Variants in CCSER1 observed in about 807,000 individuals in gnomAD.
CCSER1 encodes serine-rich coiled-coil domain-containing protein 1.
A neutral mutation model predicts 82.0 loss-of-function variants in CCSER1; 41 were observed. The observed-to-expected ratio is 0.50, with a 90% CI of 0.39 to 0.65. The LOEUF (loss-of-function observed/expected upper bound fraction) is 0.65. Among genes scored for constraint, CCSER1 ranks in the 30% least tolerant of loss-of-function variants. CCSER1 has a pLI of 0.00. For synonymous variants in CCSER1, 414 were observed against 383.9 expected (o/e 1.08, Z -0.92); for missense variants, 1,119 against 1,064.2 (o/e 1.05, Z -0.72).
intron 10 of CCSER1, among the ~76,000 whole-genome samples, chr4:91,180,511 G>A (rs567423718): frequency 1.2e-4 from 18 of 152,294 alleles, no homozygotes; most frequent in Non-Finnish European, 2.1e-4. Context: ...CAGCAATGGC[G>A]GACGCCCCTT....
At chr4:90,484,928 C>G (rs577296615) in intron 5 of CCSER1, among the ~76,000 whole-genome samples, 1 of 152,206 alleles carries the variant, frequency 6.6e-6, no homozygotes, top group Non-Finnish European at 1.5e-5. Context: ...TTTAAGTCTG[C>G]AGAGGTTATT....
intron 10 of CCSER1, among the ~76,000 whole-genome samples, chr4:91,224,663 C>G (rs1381561739): frequency 1.3e-5 from 2 of 152,056 alleles, no homozygotes; most frequent in Non-Finnish European, 2.9e-5. Flanking sequence ...CCTAAAGGGT[C>G]AAGTGTAAGT....
intron 10 of CCSER1, among the ~76,000 whole-genome samples, chr4:91,434,799 G>A (rs964972068): frequency 5.9e-5 from 9 of 152,228 alleles, no homozygotes; most frequent in African/African-American, 2.2e-4. Flanking sequence ...TTTACAACTT[G>A]TCCTCTTAGG....
intron 10 of CCSER1, among the ~76,000 whole-genome samples, chr4:91,510,113 G>T (rs564525492): frequency 5.3e-4 from 80 of 152,154 alleles, no homozygotes; most frequent in African/African-American, 1.8e-3. Flanking sequence ...GCAGTATTTG[G>T]TTTTCTGTTC....
chr4:90,916,539 T>C (rs1195610397), intron 8 of CCSER1, among the ~76,000 whole-genome samples: 4 of 152,060 alleles, frequency 2.6e-5, no homozygotes, highest in Admixed American at 2.6e-4. Flanking sequence ...ACTTAAATGT[T>C]AGACCTAAAA....
intron 1 of CCSER1, among the ~76,000 whole-genome samples, chr4:90,268,463 C>G (rs1002828330): frequency 6.6e-6 from 1 of 152,056 alleles, no homozygotes; most frequent in African/African-American, 2.4e-5. Context: ...TATGCAATCA[C>G]TGTTGTCATC....
At chr4:90,708,517 T>C (rs566615966) in intron 6 of CCSER1, among the ~76,000 whole-genome samples, 10 of 152,194 alleles carry the variant, frequency 6.6e-5, no homozygotes, top group Admixed American at 6.6e-4. Flanking sequence ...GAATAAGTGT[T>C]CCTACCCATC....
chr4:91,456,121 T>G (rs186121544), intron 10 of CCSER1, among the ~76,000 whole-genome samples: 14 of 152,142 alleles, frequency 9.2e-5, no homozygotes, highest in Admixed American at 7.2e-4. Context: ...GAAGTCTGAG[T>G]TCCAGCCTGG....
chr4:90,491,406 G>A (rs1033697375), intron 5 of CCSER1, among the ~76,000 whole-genome samples: 6 of 152,160 alleles, frequency 3.9e-5, no homozygotes, highest in Non-Finnish European at 5.9e-5. Context: ...TCAGCTTAAG[G>A]AGATTTTGGC....
At position 90,254,866 on chromosome 4, in the gene CCSER1, T is replaced by C. The variant is rs148662166; in HGVS notation, c.-41-53378T>C. On this transcript the variant is annotated intron_variant, in intron 1 of 10. Coordinates refer to ENST00000509176, the MANE Select transcript of CCSER1 (RefSeq NM_001145065.2). ...TTTAAGTGGTTACTTTATATAATTT[T>C]TACCTGTTATGGTTGTTCCTCCTGT... Among the ~76,000 whole-genome samples, 22 of 152,250 alleles carry C rather than the reference T, an allele frequency of 1.4e-4. No individual in the cohort carries two copies. In the East Asian group the frequency reaches 4.2e-3, roughly 29 times the overall value.
intron 8 of CCSER1, among the ~76,000 whole-genome samples, chr4:90,887,457 A>C (rs1397398129): frequency 1.3e-5 from 2 of 152,192 alleles, no homozygotes; most frequent in Admixed American, 6.5e-5. Context: ...TTGTTACAGA[A>C]ATCAGACAAG....
intron 10 of CCSER1, among the ~76,000 whole-genome samples, chr4:91,434,031 C>G (rs1331682486): frequency 6.6e-6 from 1 of 151,690 alleles, no homozygotes; most frequent in Admixed American, 6.5e-5. Context: ...GAGCTCCTGA[C>G]TCTGTCTGAG....
intron 6 of CCSER1, among the ~76,000 whole-genome samples, chr4:90,637,261 A>G (rs1725595280): frequency 6.6e-6 from 1 of 152,144 alleles, no homozygotes; most frequent in African/African-American, 2.4e-5. Flanking sequence ...CTGGTGCTCA[A>G]GAGGCCTCAG....
At chr4:90,138,061 G>A (rs1179477642) in intron 1 of CCSER1, among the ~76,000 whole-genome samples, 2 of 152,180 alleles carry the variant, frequency 1.3e-5, no homozygotes, top group Non-Finnish European at 2.9e-5. Context: ...AGCTCTATGA[G>A]GGCAGGGTTT....
At chr4:90,859,350 C>A (rs1026528746) in intron 8 of CCSER1, among the ~76,000 whole-genome samples, 2 of 151,758 alleles carry the variant, frequency 1.3e-5, no homozygotes, top group African/African-American at 2.4e-5. Context: ...GGAATATTGA[C>A]TGCATATTTA....
At chr4:90,440,960 GA>G (rs924307007) in intron 4 of CCSER1, among the ~76,000 whole-genome samples, 70 of 146,872 alleles carry the variant, frequency 4.8e-4, no homozygotes, top group Middle Eastern at 3.4e-3. Context: ...CTTCTGACTA[GA>G]AAAAAAAAAG....
chr4:91,297,071 A>C (rs1422716405), intron 10 of CCSER1, among the ~76,000 whole-genome samples: 1 of 151,800 alleles, frequency 6.6e-6, no homozygotes, highest in Non-Finnish European at 1.5e-5. Flanking sequence ...GACAAAATTA[A>C]GCAAAGAATG....
intron 8 of CCSER1, among the ~76,000 whole-genome samples, chr4:90,865,318 C>G (rs1393177334): frequency 6.6e-6 from 1 of 152,034 alleles, no homozygotes; most frequent in Non-Finnish European, 1.5e-5. Flanking sequence ...CACAAATTCT[C>G]TCTAGAATTT....
intron 3 of CCSER1, among the ~76,000 whole-genome samples, chr4:90,338,543 G>A (rs1469652231): frequency 6.6e-6 from 1 of 152,108 alleles, no homozygotes; most frequent in Non-Finnish European, 1.5e-5. Context: ...CCTTATGAGG[G>A]CTTGAGTGTC....
Sources: gnomAD v4.1 joint callset for allele counts (sites outside exome capture counted in the v4.1 genomes callset) on GRCh38, gnomAD v4.1.1 for gene constraint, MANE v1.5 for transcripts, NCBI Gene and HGNC (gene_info 2026-07-23, HGNC 2026-07-21) for gene names.